The following PHKA1 variants were observed in gnomAD, a reference collection of about 807,000 sequenced individuals.
PHKA1 encodes the protein phosphorylase kinase regulatory subunit alpha 1.
In PHKA1, 60 loss-of-function variants were observed where a neutral mutation model predicts 110.2. The ratio of observed to expected loss-of-function variants is 0.54; its 90% CI spans 0.44 to 0.68. PHKA1 has a LOEUF of 0.68. Among genes scored for constraint, PHKA1 ranks in the 30% least tolerant of loss-of-function variants. The pLI is 0.00. For synonymous variants in PHKA1, 316 were observed against 333.6 expected (o/e 0.95, Z 0.58); for missense variants, 801 against 942.5 (o/e 0.85, Z 1.97).
chrX:72,628,404 T>C (rs2053116089), intron 16 of PHKA1, among the ~76,000 whole-genome samples: 2 of 109,207 alleles, frequency 1.8e-5, no homozygotes, highest in South Asian at 7.9e-4. Flanking sequence ...ACAAATACTT[T>C]ATCTAGTTTA....
At chrX:72,666,636 A>G (rs1250824369) in intron 7 of PHKA1, among the ~76,000 whole-genome samples, 10 of 111,749 alleles carry the variant, frequency 8.9e-5, no homozygotes, top group Non-Finnish European at 1.7e-4. Flanking sequence ...ACTCACAGAT[A>G]AGGAATATTC....
chrX:72,680,600 G>A (rs1556313996), intron 5 of PHKA1, among the ~76,000 whole-genome samples: 2 of 107,355 alleles, frequency 1.9e-5, no homozygotes, highest in Non-Finnish European at 3.8e-5. Flanking sequence ...TTTTTCGAGG[G>A]AGCCCGTCTG....
intron 13 of PHKA1, among the ~76,000 whole-genome samples, chrX:72,648,223 G>A (rs782633358): frequency 3.6e-5 from 4 of 111,611 alleles, no homozygotes; most frequent in Non-Finnish European, 7.5e-5. Flanking sequence ...AGAGAATGCT[G>A]GGGAAGAAGA....
At position 72,579,675 on chromosome X, in the gene PHKA1, A is replaced by G. The variant is rs886760691; in HGVS notation, c.*1327T>C. On this transcript the variant is annotated 3_prime_UTR_variant, in exon 32 of 32. Coordinates refer to ENST00000373542, the MANE Select transcript of PHKA1 (RefSeq NM_002637.4). ...CTTACTCAGTCCATCAAATGTAGAT[A>G]CAGATTGATATACAGACACATCAAA... is the stretch of plus-strand genomic sequence containing the variant. 9.0e-6 allele frequency: 1 copy of G among 111,283 alleles called. No individual in the cohort carries two copies. 9.2% of individuals were successfully genotyped at this position (111,283 alleles called of 1,213,427 possible). A position where few individuals can be genotyped will look rare whatever the true frequency, so the allele number is the denominator to read the frequency against.
rs72630059 is a variant in PHKA1 at position 72,667,737 on chromosome X, T to C, written c.619-264A>G. ...TCATTGTACTCTCTCCTTCTATGAGTTCAACTTCTTTAGATTCCACATATA... is the reference window on the plus strand; with the variant it reads ...TCATTGTACTCTCTCCTTCTATGAGCTCAACTTCTTTAGATTCCACATATA... On this transcript the variant is annotated intron_variant, in intron 6 of 31. Transcript: ENST00000373542. Among the ~76,000 whole-genome samples, 8,048 of 111,608 alleles carry C rather than the reference T, an allele frequency of 0.072. 845 individuals are homozygous for C. The highest frequency in any genetic ancestry group is 0.67 in the East Asian group (2,348 of 3,487).
At position 72,637,064 on chromosome X, in the gene PHKA1, A is replaced by T. The variant is rs1324903320; in HGVS notation, c.1460-678T>A. Among the ~76,000 whole-genome samples the T allele has an allele frequency of 4.5e-5, 5 of 111,885 alleles. No individual in the cohort carries two copies. In the Admixed American group the frequency reaches 4.7e-4, roughly 11 times the overall value. On this transcript the variant is annotated intron_variant, in intron 14 of 31. Coordinates refer to ENST00000373542, the MANE Select transcript of PHKA1 (RefSeq NM_002637.4). ...TTTAATACTGCAAAATATACACAAC[A>T]TAAAATTTACCATTTACCATTTTAA...
intron 28 of PHKA1, among the ~76,000 whole-genome samples, chrX:72,597,775 G>A (rs782075723): frequency 1.8e-5 from 2 of 111,640 alleles, no homozygotes; most frequent in Non-Finnish European, 3.8e-5. Context: ...GTAATAAACC[G>A]TAGCAGTGAG....
At chrX:72,635,333 T>A in intron 15 of PHKA1, 34 bp from the exon 16 acceptor site, 1 of 1,142,582 alleles carries the variant, frequency 8.8e-7, no homozygotes, top group East Asian at 3.1e-5. Context: ...TTAGATTAAT[T>A]TACTCTCACA....
chrX:72,666,813 G>GAGTTTATATTCAATATATATTC (rs2053620536), intron 7 of PHKA1, among the ~76,000 whole-genome samples: 1 of 112,101 alleles, frequency 8.9e-6, no homozygotes, highest in Non-Finnish European at 1.9e-5. Flanking sequence ...AATTGGAGAT[G>GAGTTTATATTCAATATATATTC]AGTTTATATT....
chrX:72,613,565 A>C (rs1439390819), intron 21 of PHKA1, among the ~76,000 whole-genome samples: 1 of 112,257 alleles, frequency 8.9e-6, no homozygotes, highest in African/African-American at 3.2e-5. Flanking sequence ...AACATGAAAT[A>C]AAATGTGCTA....
chrX:72,644,343 G>A lies in PHKA1; in HGVS notation c.1459+19C>T, dbSNP rs201189681. The A allele has an allele frequency of 2.3e-5, 28 of 1,204,412 alleles. No homozygotes were observed. Among genetic ancestry groups the A allele is most frequent in the Non-Finnish European group, 3.1e-5 (28 of 890,993 alleles). On this transcript the variant is annotated intron_variant, in intron 14 of 31. Coordinates refer to ENST00000373542, the MANE Select transcript of PHKA1 (RefSeq NM_002637.4). ...AATGAATAATGCTTTGATTCTAGCA[G>A]GCTAGCCAATCTCCTTACCTAGGCT...
intron 5 of PHKA1, among the ~76,000 whole-genome samples, chrX:72,680,756 G>A (rs1477989490): frequency 2.1e-5 from 2 of 93,441 alleles, no homozygotes; most frequent in African/African-American, 4.2e-5. Context: ...AGCCGCCGCC[G>A]CCCGACCGCC....
chrX:72,674,198 G>A (rs1395891468), intron 6 of PHKA1, among the ~76,000 whole-genome samples: 1 of 110,742 alleles, frequency 9.0e-6, no homozygotes, highest in African/African-American at 3.3e-5. Flanking sequence ...TCTTAAGCCA[G>A]TCTATCATTG....
chrX:72,585,172 T>C (rs1017535512), intron 29 of PHKA1, among the ~76,000 whole-genome samples: 1 of 111,214 alleles, frequency 9.0e-6, no homozygotes, highest in Non-Finnish European at 1.9e-5. Context: ...TTTTAGATAC[T>C]TCATTTTGTG....
intron 28 of PHKA1, among the ~76,000 whole-genome samples, chrX:72,594,479 G>C (rs1221031913): frequency 8.9e-6 from 1 of 112,006 alleles, no homozygotes; most frequent in Non-Finnish European, 1.9e-5. Context: ...AGGATTATAA[G>C]GGCATACCAT....
chrX:72,646,546 G>A lies in PHKA1; in HGVS notation c.1325-2050C>T, dbSNP rs2053361857. Reference sequence around the variant, plus strand: ...TTGTTCCAGACAGAAGAAATAGCATGGGCAAAGGCTCAAGGGAACAGAAAA... The same window carrying A: ...TTGTTCCAGACAGAAGAAATAGCATAGGCAAAGGCTCAAGGGAACAGAAAA... On this transcript the variant is annotated intron_variant, in intron 13 of 31. Transcript: ENST00000373542. 2.7e-5 allele frequency among the ~76,000 whole-genome samples: 3 copies of A among 111,120 alleles called. No individual in the cohort carries two copies. The South Asian group carries it at 1.2e-3, about 43-fold the overall frequency.
rs2053299626 is a variant in PHKA1, at chrX:72,641,832, AAG to A, written c.1459+2528_1459+2529del. The stretch of plus-strand genomic sequence containing the variant: ...TTGAATAGTCACTCATCTGACTGAT[AAG>A]TCATCAGATGTTGCCTCATCTATCA... On this transcript the variant is annotated intron_variant, in intron 14 of 31. Coordinates refer to ENST00000373542, the MANE Select transcript of PHKA1 (RefSeq NM_002637.4). Among the ~76,000 whole-genome samples the A allele has an allele frequency of 2.7e-5, 3 of 111,664 alleles. No individual in the cohort carries two copies. In the Admixed American group the frequency reaches 2.9e-4, roughly 11 times the overall value.
At chrX:72,620,074 T>C (rs1420449875) in intron 19 of PHKA1, among the ~76,000 whole-genome samples, 1 of 112,214 alleles carries the variant, frequency 8.9e-6, no homozygotes, top group Non-Finnish European at 1.9e-5. Context: ...TTAATGTATT[T>C]GGTTAGTAAT....
At chrX:72,677,620 G>A (rs62613008) in intron 5 of PHKA1, among the ~76,000 whole-genome samples, 4,184 of 111,321 alleles carry the variant, frequency 0.038, 101 homozygotes, top group South Asian at 0.055. Context: ...ATATTACTAT[G>A]AACTTACAGA....
Sources: allele counts gnomAD v4.1 joint callset (sites outside exome capture counted in the v4.1 genomes callset), GRCh38; gene constraint gnomAD v4.1.1; transcripts MANE v1.5; gene names NCBI Gene and HGNC (gene_info 2026-07-23, HGNC 2026-07-21).